Variants in CNIH3 observed in about 807,000 individuals in gnomAD.
CNIH3 encodes the protein cornichon family AMPA receptor auxiliary protein 3.
CNIH3 carries 14 observed loss-of-function variants against 24.1 expected under a neutral mutation model. That is an observed-to-expected ratio of 0.58 (90% CI 0.38 to 0.91). The LOEUF is 0.91. CNIH3 is among the 40% of genes least tolerant of loss of function. The probability of loss-of-function intolerance (pLI) is 0.00; values close to 1 mark genes in which losing one functional copy is unlikely to be tolerated. For synonymous variants in CNIH3, 68 were observed against 73.8 expected (o/e 0.92, Z 0.40); for missense variants, 178 against 196.8 (o/e 0.90, Z 0.57).
chr1:224,493,192 A>G (rs1489175139), intron 1 of CNIH3, among the ~76,000 whole-genome samples: 1 of 152,120 alleles, frequency 6.6e-6, no homozygotes, highest in Non-Finnish European at 1.5e-5. Context: ...GTTGGAAGTT[A>G]TTTGGCTAGT....
chr1:224,454,373 T>G, intron 1 of CNIH3: 1 of 906,660 alleles, frequency 1.1e-6, no homozygotes. Context: ...AACTATATTG[T>G]GTTGAACATA....
intron 1 of CNIH3, among the ~76,000 whole-genome samples, chr1:224,492,506 G>A (rs1677272393): frequency 6.6e-6 from 1 of 152,202 alleles, no homozygotes; most frequent in African/African-American, 2.4e-5. Context: ...CTGAATAAAA[G>A]CACTTTGAAT....
At chr1:224,637,648 C>T (rs1353568705) in intron 1 of CNIH3, among the ~76,000 whole-genome samples, 1 of 152,206 alleles carries the variant, frequency 6.6e-6, no homozygotes, top group Non-Finnish European at 1.5e-5. Flanking sequence ...TACAGTCTCA[C>T]AGGAACGGAT....
intron 1 of CNIH3, among the ~76,000 whole-genome samples, chr1:224,629,553 A>T (rs1373908649): frequency 6.6e-6 from 1 of 152,080 alleles, no homozygotes; most frequent in African/African-American, 2.4e-5. Flanking sequence ...GTCGACGAAC[A>T]CTGGGTTGCT....
intron 4 of CNIH3, among the ~76,000 whole-genome samples, chr1:224,566,646 G>A (rs1680594696): frequency 1.3e-5 from 2 of 152,046 alleles, no homozygotes; most frequent in Admixed American, 6.6e-5. Context: ...GTGATAGTTC[G>A]CTGAGAATGA....
At chr1:224,441,789 T>C (rs529674855) in intron 1 of CNIH3, among the ~76,000 whole-genome samples, 1 of 152,320 alleles carries the variant, frequency 6.6e-6, no homozygotes, top group South Asian at 2.1e-4. Flanking sequence ...CAGTTAATTG[T>C]TATTTTTTAA....
intron 1 of CNIH3, among the ~76,000 whole-genome samples, chr1:224,467,486 C>T (rs539956306): frequency 3.9e-4 from 60 of 152,218 alleles, no homozygotes; most frequent in African/African-American, 1.3e-3. Flanking sequence ...TGCAATAGTG[C>T]GATCTCAGCT....
intron 4 of CNIH3, among the ~76,000 whole-genome samples, chr1:224,573,897 G>A (rs1459261041): frequency 5.3e-5 from 8 of 151,840 alleles, no homozygotes; most frequent in Admixed American, 4.6e-4. Context: ...TTTGTAAATG[G>A]TATTTCCCTT....
In CNIH3 at chr1:224,684,771, ATTTC is replaced by A; in HGVS notation, c.151-18_151-15del. 6.2e-7 allele frequency: 1 copy of A among 1,611,302 alleles called. No individual in the cohort carries two copies. The highest frequency in any genetic ancestry group is 1.1e-5 in the South Asian group (1 of 91,022). On this transcript the variant is annotated intron_variant, in intron 2 of 5. Coordinates refer to ENST00000272133, the MANE Select transcript of CNIH3 (RefSeq NM_152495.2). The surrounding 1 kb of genome is among the most constrained non-coding windows in gnomAD (Gnocchi z 4.2). ...AGCAGAACCCCTAACCTCCCCTCTC[ATTTC>A]TTTCTTGTGCATCCTGATAGAGGGA...
chr1:224,665,341 A>G (rs1190249460), intron 1 of CNIH3, among the ~76,000 whole-genome samples: 4 of 152,228 alleles, frequency 2.6e-5, no homozygotes, highest in Non-Finnish European at 5.9e-5. Flanking sequence ...TAAATGAAGA[A>G]CTGGGTGAGT....
At chr1:224,617,300 T>A (rs1301248070) in intron 1 of CNIH3, 45 bp downstream of exon 1, 4 of 1,596,292 alleles carry the variant, frequency 2.5e-6, no homozygotes, top group South Asian at 2.3e-5. Flanking sequence ...CCAATTTCGC[T>A]AAATTTCCCC....
intron 2 of CNIH3, among the ~76,000 whole-genome samples, chr1:224,534,843 A>G (rs1679219951): frequency 6.6e-6 from 1 of 152,168 alleles, no homozygotes; most frequent in Non-Finnish European, 1.5e-5. Context: ...ACAATGAACA[A>G]GTCCCGGAGG....
chr1:224,593,724 C>T (rs898470061), intron 3 of CNIH3, among the ~76,000 whole-genome samples: 1 of 152,182 alleles, frequency 6.6e-6, no homozygotes, highest in Non-Finnish European at 1.5e-5. Context: ...AATGTCATTA[C>T]AGGACGTGAG....
At chr1:224,470,500 G>A (rs866658544) in intron 1 of CNIH3, among the ~76,000 whole-genome samples, 1 of 151,452 alleles carries the variant, frequency 6.6e-6, no homozygotes, top group Non-Finnish European at 1.5e-5. Flanking sequence ...AACTTTTTTT[G>A]TAGAGACAAG....
intron 1 of CNIH3, among the ~76,000 whole-genome samples, chr1:224,510,272 A>G (rs1678089756): frequency 6.6e-6 from 1 of 152,050 alleles, no homozygotes; most frequent in Admixed American, 6.5e-5. Context: ...CCCATTCCCC[A>G]TGCAAAGGAG....
chr1:224,505,959 A>G (rs1433674969), intron 1 of CNIH3, among the ~76,000 whole-genome samples: 2 of 152,206 alleles, frequency 1.3e-5, no homozygotes, highest in East Asian at 3.9e-4. Context: ...TTTCTCTTGA[A>G]ATGATTGGCT....
At chr1:224,626,565 T>C (rs1683536342) in intron 1 of CNIH3, among the ~76,000 whole-genome samples, 1 of 152,200 alleles carries the variant, frequency 6.6e-6, no homozygotes, top group African/African-American at 2.4e-5. Flanking sequence ...GTGCACAGTG[T>C]CCTGGGCATT....
At chr1:224,522,359 C>T (rs1678669245) in intron 2 of CNIH3, among the ~76,000 whole-genome samples, 1 of 152,268 alleles carries the variant, frequency 6.6e-6, no homozygotes, top group Admixed American at 6.5e-5. Flanking sequence ...ACACTGGAAA[C>T]AGAATAGAAG....
At chr1:224,447,158 G>A (rs966799200) in intron 1 of CNIH3, among the ~76,000 whole-genome samples, 2 of 152,162 alleles carry the variant, frequency 1.3e-5, no homozygotes, top group Non-Finnish European at 2.9e-5. Context: ...CCCCTCAATA[G>A]GGTGCATCTG....
Sources: allele counts gnomAD v4.1 joint callset (sites outside exome capture counted in the v4.1 genomes callset), GRCh38; gene constraint gnomAD v4.1.1; non-coding constraint Gnocchi (gnomAD v3.1); transcripts MANE v1.5; gene names NCBI Gene and HGNC (gene_info 2026-07-23, HGNC 2026-07-21).